Variants in C4BPB observed in about 807,000 individuals in gnomAD.
The protein encoded by C4BPB is C4b-binding protein beta chain.
C4BPB carries 19 observed loss-of-function variants against 26.6 expected under a neutral mutation model. The observed-to-expected ratio is 0.71, with a 90% confidence interval of 0.50 to 1.05. The LOEUF is 1.05. Ranked by LOEUF, C4BPB falls within the 50% of genes least tolerant of loss-of-function variation. The pLI is 0.00. For missense variants in C4BPB, 282 were observed against 302.9 expected (o/e 0.93, Z 0.51); for synonymous variants, 118 against 103.5 (o/e 1.14, Z -0.85).
chr1:207,094,030 A>C (rs191872885), intron 4 of C4BPB, among the ~76,000 whole-genome samples: 1 of 152,356 alleles, frequency 6.6e-6, no homozygotes, highest in Admixed American at 6.5e-5. Flanking sequence ...ACTGGAAATT[A>C]AAATTAGATA....
Position 207,090,331 on chromosome 1 carries a change from C to T in C4BPB, c.82C>T (p.Pro28Ser), listed in dbSNP as rs777967090. ...AGCAGAGCACTGTCCAGAGCTTCCT[C>T]CAGTGGACAATAGCATATTTGTCGC... ...SDAEHCPELP[P>S]VDNSIFVAKE... The change falls in exon 3 of 7, where the codon CCA (proline) becomes TCA (serine). Residue 28 changes from proline to serine, a missense_variant. Transcript: ENST00000367078. 2.5e-6 allele frequency: 4 copies of T among 1,613,084 alleles called. No individual in the cohort carries two copies. The highest frequency in any genetic ancestry group is 2.5e-6 in the Non-Finnish European group (3 of 1,179,684).
At chr1:207,089,303 T>C (rs1683924812) in intron 1 of C4BPB, 179 bp from the exon 2 acceptor site, 1 of 463,868 alleles carries the variant, frequency 2.2e-6, no homozygotes, top group East Asian at 3.4e-5. Flanking sequence ...TACCATCCCT[T>C]TGTATTTTTG....
chr1:207,089,732 G>T, intron 2 of C4BPB, 143 bp downstream of exon 2: 1 of 684,506 alleles, frequency 1.5e-6, no homozygotes, highest in Non-Finnish European at 2.6e-6. Context: ...TTGGCCTAAT[G>T]CTCTGCACTC....
chr1:207,090,479 G>T lies in C4BPB; in HGVS notation c.230G>T (p.Arg77Leu). The change falls in exon 3 of 7, where the codon CGC (arginine) becomes CTC (leucine). Residue 77 changes from arginine (R) to leucine (L), a missense_variant and splice_region_variant. Arg to Leu is a moderately radical substitution (Grantham distance 102, BLOSUM62 -2). Coordinates refer to ENST00000367078, the MANE Select transcript of C4BPB (RefSeq NM_001017365.3). ...KEWDNTTTEC[R>L]LGHCPDPVLV... ...TGGGATAACACCACTACTGAGTGCC[G>T]CTGTAAGTTAGATCTTTCTGTATCT... The T allele has an allele frequency of 6.2e-7, 1 of 1,603,662 alleles. No individual in the cohort carries two copies. The highest frequency in any genetic ancestry group is 8.5e-7 in the Non-Finnish European group (1 of 1,175,148).
chr1:207,093,777 A>G (rs1328503295), intron 4 of C4BPB, among the ~76,000 whole-genome samples: 1 of 152,154 alleles, frequency 6.6e-6, no homozygotes, highest in African/African-American at 2.4e-5. Context: ...TTAAATTTTT[A>G]AAAGAAAAAC....
At position 207,089,545 on chromosome 1, in the gene C4BPB, G is replaced by A; in HGVS notation, c.14G>A (p.Cys5Tyr). The change falls in exon 2 of 7, where the codon TGT becomes TAT. Residue 5 changes from cysteine (C) to tyrosine (Y), a missense_variant. By Grantham distance (194) the Cys-to-Tyr change is radical. Coordinates refer to ENST00000367078, the MANE Select transcript of C4BPB (RefSeq NM_001017365.3). ...TTTGATCACCAGATGTTTTTTTGGT[G>A]TGCGTGCTGTCTTATGGTTGCGTGG... MFFW[C>Y]ACCLMVAWRV... 6.2e-7 allele frequency: 1 copy of A among 1,613,992 alleles called. No individual in the cohort carries two copies. The highest frequency in any genetic ancestry group is 8.5e-7 in the Non-Finnish European group (1 of 1,179,958).
At chr1:207,092,076 T>C (rs1288033100) in intron 4 of C4BPB, among the ~76,000 whole-genome samples, 1 of 152,208 alleles carries the variant, frequency 6.6e-6, no homozygotes, top group East Asian at 1.9e-4. Flanking sequence ...CTAGGTGTAA[T>C]GTAGGGTAGT....
At chr1:207,099,446 T>C (rs1182529218) in intron 6 of C4BPB, among the ~76,000 whole-genome samples, 1 of 152,086 alleles carries the variant, frequency 6.6e-6, no homozygotes, top group Non-Finnish European at 1.5e-5. Flanking sequence ...GGCCCTGGGG[T>C]TGGGGATCCC....
chr1:207,089,187 T>C (rs1356032758), intron 1 of C4BPB: 2 of 263,158 alleles, frequency 7.6e-6, no homozygotes, highest in Non-Finnish European at 1.4e-5. Flanking sequence ...GGCCCATGTT[T>C]GTTGGGGAAG....
chr1:207,090,394 T>G lies in C4BPB; in HGVS notation c.145T>G (p.Cys49Gly). 6.2e-7 allele frequency: 1 copy of G among 1,614,074 alleles called. No homozygotes were observed. The highest frequency in any genetic ancestry group is 8.5e-7 in the Non-Finnish European group (1 of 1,179,950). ...AGGACAGATTCTGGGGACTTACGTT[T>G]GTATCAAGGGCTACCACCTGGTAGG... Reference protein sequence around the residue: ...VEGQILGTYVCIKGYHLVGKK... With the variant: ...VEGQILGTYVGIKGYHLVGKK... Residue 49 changes from cysteine (C) to glycine (G), a missense_variant, in exon 3 of 7, where the codon TGT becomes GGT. Physicochemically the swap from Cys to Gly is radical, Grantham distance 159. Transcript: ENST00000367078.
intron 4 of C4BPB, chr1:207,095,102 G>T (rs556712512): frequency 1.9e-5 from 6 of 316,002 alleles, no homozygotes; most frequent in Non-Finnish European, 3.7e-5. Flanking sequence ...ATTTTTGATC[G>T]ACATGTTTAG....
chr1:207,098,106 T>A (rs1277831371), intron 5 of C4BPB, 44 bp from the exon 6 acceptor site: 33 of 1,494,088 alleles, frequency 2.2e-5, no homozygotes, highest in Non-Finnish European at 2.8e-5. Context: ...CATTACCCAA[T>A]TCAGAAAGTG....
rs762584360 is a variant in C4BPB at position 207,096,519 on chromosome 1, CAG to C, written c.410-2_410-1del. 5 of 1,580,796 alleles carry C rather than the reference CAG, an allele frequency of 3.2e-6. No homozygotes were observed. The South Asian group carries it at 5.5e-5, about 18-fold the overall frequency. On this transcript the variant is annotated splice_acceptor_variant, in intron 4 of 6. Coordinates refer to ENST00000367078, the MANE Select transcript of C4BPB (RefSeq NM_001017365.3). LOFTEE classifies it high-confidence loss of function. ...CTATGACTTCTATACTCGTTTCTCTCAGGGGACTGTGACCCTCCTGGGAATCC... is the reference window on the plus strand; with the variant it reads ...CTATGACTTCTATACTCGTTTCTCTCGGGACTGTGACCCTCCTGGGAATCC...
intron 1 of C4BPB, 42 bp from the exon 2 acceptor site, chr1:207,089,440 G>T: frequency 1.9e-6 from 2 of 1,027,364 alleles, no homozygotes; most frequent in Non-Finnish European, 1.5e-6. Flanking sequence ...TGGTTAGGTT[G>T]GTCTTAAGCA....
Position 207,099,251 on chromosome 1 carries a change from A to G in C4BPB, c.619-538A>G, listed in dbSNP as rs138650214. On this transcript the variant is annotated intron_variant, in intron 6 of 6. Coordinates refer to ENST00000367078, the MANE Select transcript of C4BPB (RefSeq NM_001017365.3). Reference sequence around the variant, plus strand: ...TAGATCCCTCGCATGAGCAGTTCACAATAGGTTTCACGCTCTTATGAGAAT... The same window carrying G: ...TAGATCCCTCGCATGAGCAGTTCACGATAGGTTTCACGCTCTTATGAGAAT... Among the ~76,000 whole-genome samples the G allele has an allele frequency of 5.3e-5, 8 of 152,324 alleles. No homozygotes were observed. The East Asian group carries it at 1.5e-3, about 29-fold the overall frequency.
Position 207,099,939 on chromosome 1 carries a change from T to C in C4BPB, c.*10T>C, listed in dbSNP as rs1684403136. The C allele has an allele frequency of 6.3e-7, 1 of 1,599,050 alleles. No homozygotes were observed. Among genetic ancestry groups the C allele is most frequent in the Non-Finnish European group, 8.5e-7 (1 of 1,175,174 alleles). On this transcript the variant is annotated 3_prime_UTR_variant, in exon 7 of 7. Transcript: ENST00000367078. ...GGCAAAATTGTTGTAACACTACAGCTGAGCAGATGTAATAGAAATAAACCT... is the reference window on the plus strand; with the variant it reads ...GGCAAAATTGTTGTAACACTACAGCCGAGCAGATGTAATAGAAATAAACCT...
chr1:207,096,608 G>A lies in C4BPB; in HGVS notation c.496G>A (p.Glu166Lys), dbSNP rs753796284. The change falls in exon 5 of 7, where the codon GAA becomes AAA. Residue 166 changes from glutamate to lysine, a missense_variant. Transcript: ENST00000367078. ...TLGSTISYYC[E>K]DRYYLVGVQE... is the part of the protein sequence containing the mutation. Reference sequence around the variant, plus strand: ...AGGATCCACCATTAGTTATTACTGTGAAGACAGGTAAGTGAACACAGCCTG... The same window carrying A: ...AGGATCCACCATTAGTTATTACTGTAAAGACAGGTAAGTGAACACAGCCTG... The A allele has an allele frequency of 6.3e-7, 1 of 1,577,196 alleles. No individual in the cohort carries two copies. The highest frequency in any genetic ancestry group is 8.7e-7 in the Non-Finnish European group (1 of 1,151,440).
At chr1:207,093,934 C>T (rs998653483) in intron 4 of C4BPB, among the ~76,000 whole-genome samples, 5 of 152,130 alleles carry the variant, frequency 3.3e-5, no homozygotes, top group Non-Finnish European at 4.4e-5. Flanking sequence ...TGGGTAAGGA[C>T]AGGCAATTCC....
At chr1:207,095,622 C>A (rs1426648969) in intron 4 of C4BPB, 1 of 346,172 alleles carries the variant, frequency 2.9e-6, no homozygotes, top group African/African-American at 2.2e-5. Flanking sequence ...AGCCACTGCT[C>A]CCACCTTCTC....
Sources: allele counts gnomAD v4.1 joint callset (sites outside exome capture counted in the v4.1 genomes callset), GRCh38; gene constraint gnomAD v4.1.1; transcripts MANE v1.5; gene names NCBI Gene and HGNC (gene_info 2026-07-23, HGNC 2026-07-21).